The following NEK1 variants were observed in gnomAD, a reference collection of about 807,000 sequenced individuals.
NEK1 encodes NIMA related kinase 1.
A neutral mutation model predicts 182.1 loss-of-function variants in NEK1; 137 were observed. The ratio of observed to expected loss-of-function variants is 0.75; its 90% CI spans 0.65 to 0.87. NEK1 has a LOEUF of 0.87. Among genes scored for constraint, NEK1 ranks in the 40% least tolerant of loss-of-function variants. The probability of loss-of-function intolerance (pLI) is 0.00; values close to 1 mark genes in which losing one functional copy is unlikely to be tolerated. For missense variants in NEK1, 1,391 were observed against 1,494.4 expected, an observed-to-expected ratio of 0.93 and a Z score of 1.14; for synonymous variants, 513 against 492.2, an observed-to-expected ratio of 1.04 and a Z score of -0.56.
At chr4:169,498,529 T>G (rs898869551) in intron 23 of NEK1, among the ~76,000 whole-genome samples, 62 of 152,348 alleles carry the variant, frequency 4.1e-4, no homozygotes, top group Middle Eastern at 3.4e-3. Flanking sequence ...GCATGTTTTT[T>G]CAGTGGCTGG....
intron 12 of NEK1, among the ~76,000 whole-genome samples, chr4:169,571,430 T>C (rs536123244): frequency 3.3e-5 from 5 of 152,196 alleles, no homozygotes; most frequent in African/African-American, 9.6e-5. Flanking sequence ...AGTGATAACA[T>C]TGTGGAGAAA....
chr4:169,407,647 T>C (rs760545589), intron 31 of NEK1, among the ~76,000 whole-genome samples: 3 of 152,194 alleles, frequency 2.0e-5, no homozygotes, highest in African/African-American at 7.2e-5. Context: ...ATGTGATAGA[T>C]AGACAAGGCT....
At chr4:169,563,378 A>T (rs955878341) in intron 12 of NEK1, among the ~76,000 whole-genome samples, 5 of 152,070 alleles carry the variant, frequency 3.3e-5, no homozygotes, top group African/African-American at 1.2e-4. Flanking sequence ...TAAAAATAAA[A>T]AAATCAAGTA....
chr4:169,442,635 A>T (rs1739699771), intron 27 of NEK1, among the ~76,000 whole-genome samples: 1 of 152,218 alleles, frequency 6.6e-6, no homozygotes, highest in Admixed American at 6.5e-5. Flanking sequence ...TTCAAAGTAA[A>T]ATTAAAGCTA....
rs767622556 is a variant in NEK1 at position 169,602,634 on chromosome 4, T to G, written c.-4A>C. ...GTAGTCTAACATACTTCTCCATGAT[T>G]CTTTTTCTAAGGCATCTTTACAGAT... On this transcript the variant is annotated 5_prime_UTR_variant, in exon 3 of 36. Coordinates refer to ENST00000507142, the MANE Select transcript of NEK1 (RefSeq NM_001199397.3). The G allele has an allele frequency of 5.9e-6, 9 of 1,525,792 alleles. No individual in the cohort carries two copies. Among genetic ancestry groups the G allele is most frequent in the Non-Finnish European group, 8.2e-6 (9 of 1,102,032 alleles). 94.5% of individuals were successfully genotyped at this position (1,525,792 alleles called of 1,614,324 possible). A position where few individuals can be genotyped will look rare whatever the true frequency, so the allele number is the denominator to read the frequency against.
chr4:169,431,147 C>T (rs1312207667), intron 29 of NEK1, among the ~76,000 whole-genome samples: 1 of 151,872 alleles, frequency 6.6e-6, no homozygotes, highest in East Asian at 1.9e-4. Flanking sequence ...AAGCTGAAAA[C>T]AGAAGGATGA....
intron 26 of NEK1, among the ~76,000 whole-genome samples, chr4:169,468,893 A>G (rs112670042): frequency 0.057 from 8,638 of 152,174 alleles, 248 homozygotes; most frequent in African/African-American, 0.073. Context: ...TAGATTTACT[A>G]GTTTATTTGC....
At chr4:169,440,662 T>C (rs1298238942) in intron 27 of NEK1, among the ~76,000 whole-genome samples, 1 of 152,178 alleles carries the variant, frequency 6.6e-6, no homozygotes, top group Non-Finnish European at 1.5e-5. Context: ...TGGCTAGGAC[T>C]GGCTAGAAGC....
chr4:169,421,132 A>T (rs1735426240), intron 31 of NEK1, among the ~76,000 whole-genome samples: 2 of 152,200 alleles, frequency 1.3e-5, no homozygotes, highest in South Asian at 4.1e-4. Context: ...TCATGGTGAC[A>T]AAGGGGTTGA....
chr4:169,594,401 C>T (rs935104602), intron 5 of NEK1, among the ~76,000 whole-genome samples: 3 of 152,158 alleles, frequency 2.0e-5, no homozygotes, highest in African/African-American at 7.2e-5. Flanking sequence ...TTGAACTTGG[C>T]TTCTCTATTA....
intron 2 of NEK1, 93 bp from the exon 3 acceptor site, chr4:169,602,771 G>T: frequency 1.8e-6 from 1 of 549,564 alleles, no homozygotes; most frequent in Non-Finnish European, 3.2e-6. Flanking sequence ...ATTCTTTAGT[G>T]ATTTGCTAAC....
intron 19 of NEK1, among the ~76,000 whole-genome samples, chr4:169,532,170 T>C (rs1757778017): frequency 6.6e-6 from 1 of 152,172 alleles, no homozygotes; most frequent in South Asian, 2.1e-4. Flanking sequence ...ATGATGATGG[T>C]GGCGGCTACG....
intron 29 of NEK1, among the ~76,000 whole-genome samples, chr4:169,428,107 C>A (rs972298589): frequency 2.6e-5 from 4 of 151,886 alleles, no homozygotes; most frequent in Non-Finnish European, 5.9e-5. Context: ...CAGGCATGAG[C>A]CACTTTCCCC....
chr4:169,461,029 T>C (rs1208199316), intron 27 of NEK1, among the ~76,000 whole-genome samples: 1 of 152,186 alleles, frequency 6.6e-6, no homozygotes. Context: ...CAAGGATCTT[T>C]TATGTTTCTC....
At chr4:169,540,588 A>C (rs757069541) in intron 18 of NEK1, among the ~76,000 whole-genome samples, 5 of 152,132 alleles carry the variant, frequency 3.3e-5, no homozygotes, top group Non-Finnish European at 7.4e-5. Context: ...AAACACTATT[A>C]AGAATTCACG....
chr4:169,533,860 G>C (rs563297163), intron 19 of NEK1, among the ~76,000 whole-genome samples: 1 of 152,284 alleles, frequency 6.6e-6, no homozygotes, highest in East Asian at 1.9e-4. Context: ...AATGTCCCTA[G>C]AATTGAAGAT....
chr4:169,439,124 C>T (rs948788783), intron 27 of NEK1, among the ~76,000 whole-genome samples: 15 of 152,272 alleles, frequency 9.9e-5, no homozygotes, highest in African/African-American at 3.1e-4. Context: ...TCTTGTGCAT[C>T]CTCAACTTAT....
intron 24 of NEK1, among the ~76,000 whole-genome samples, chr4:169,478,807 C>A (rs1389332214): frequency 6.6e-6 from 1 of 152,224 alleles, no homozygotes; most frequent in East Asian, 1.9e-4. Flanking sequence ...TTCTCTTAAC[C>A]CCTGAACAGT....
chr4:169,611,684 C>T (rs1486938475), intron 2 of NEK1, among the ~76,000 whole-genome samples: 2 of 152,180 alleles, frequency 1.3e-5, no homozygotes, highest in African/African-American at 4.8e-5. Context: ...GGGTAACCAG[C>T]TAACTACTAC....
Sources: gnomAD v4.1 joint callset for allele counts (sites outside exome capture counted in the v4.1 genomes callset) on GRCh38, gnomAD v4.1.1 for gene constraint, MANE v1.5 for transcripts, NCBI Gene and HGNC (gene_info 2026-07-23, HGNC 2026-07-21) for gene names.